TRPM2: variants seen among roughly 807,000 people sequenced by gnomAD.
The protein encoded by TRPM2 is estrogen-responsive element-associated gene 1 protein.
In TRPM2, 161 loss-of-function variants were observed where a neutral mutation model predicts 174.0. The observed-to-expected ratio is 0.93, with a 90% confidence interval of 0.81 to 1.05. TRPM2 has a LOEUF of 1.05. TRPM2 is among the 50% of genes least tolerant of loss of function. TRPM2 has a pLI of 0.00. For missense variants in TRPM2, 2,057 were observed against 2,038.0 expected, an observed-to-expected ratio of 1.01 and a Z score of -0.18; for synonymous variants, 954 against 861.3, an observed-to-expected ratio of 1.11 and a Z score of -1.88.
chr21:44,350,562 T>C (rs1427401986), upstream of TRPM2, among the ~76,000 whole-genome samples: 1 of 81,870 alleles, frequency 1.2e-5, no homozygotes, highest in African/African-American at 5.0e-5. Flanking sequence ...GGGGCGCTGG[T>C]GCAGGGCACG....
chr21:44,369,109 C>G, intron 4 of TRPM2, 68 bp from the exon 5 acceptor site: 3 of 1,395,308 alleles, frequency 2.2e-6, no homozygotes, highest in Non-Finnish European at 2.8e-6. Flanking sequence ...AGGGCTCAGG[C>G]GTCAGGCTCC....
chr21:44,413,747 T>A, intron 19 of TRPM2, 144 bp from the exon 20 acceptor site: 4 of 944,404 alleles, frequency 4.2e-6, no homozygotes, highest in Non-Finnish European at 6.4e-6. Flanking sequence ...GGCCCAGAGG[T>A]GACAGCTGAG....
chr21:44,417,152 G>A (rs1373471282), intron 20 of TRPM2, among the ~76,000 whole-genome samples: 13 of 130,626 alleles, frequency 1.0e-4, no homozygotes, highest in South Asian at 2.7e-4. Context: ...CAGTGGGCAC[G>A]TGGGCGTGGC....
chr21:44,425,685 C>G lies in TRPM2; in HGVS notation c.3653C>G (p.Ala1218Gly). 1 of 1,535,754 alleles carries G rather than the reference C, an allele frequency of 6.5e-7. No homozygotes were observed. The highest frequency in any genetic ancestry group is 1.2e-5 in the South Asian group (1 of 84,000). ...CTGTCCCCAGCCTCCCAGAAGGCCG[C>G]GGAGGAGCCGGATGCTGAGCCGGGA... is the stretch of plus-strand genomic sequence containing the variant. ...DVPTLASQKA[A>G]EEPDAEPGGR... The change falls in exon 25 of 32, where the codon GCG becomes GGG. Residue 1218 changes from alanine (A) to glycine (G), a missense_variant. Ala to Gly is a moderately conservative substitution (Grantham distance 60). Transcript: ENST00000397928.
intron 31 of TRPM2, 75 bp from the exon 32 acceptor site, chr21:44,441,617 G>A: frequency 6.7e-7 from 1 of 1,502,160 alleles, no homozygotes; most frequent in Non-Finnish European, 8.9e-7. Flanking sequence ...AGCCCTCGAA[G>A]GCTGCAGTCC....
At chr21:44,435,895 T>A (rs1437755204) in intron 28 of TRPM2, among the ~76,000 whole-genome samples, 1,139 of 56,310 alleles carry the variant, frequency 0.02, 23 homozygotes, top group African/African-American at 0.06. Context: ...CCCCACACTC[T>A]CTCCTCAGAC....
intron 8 of TRPM2, among the ~76,000 whole-genome samples, chr21:44,381,001 A>G (rs981414791): frequency 8.5e-5 from 13 of 152,106 alleles, no homozygotes; most frequent in African/African-American, 2.9e-4. Flanking sequence ...GGGGGTGCTG[A>G]AAGCCAGGAG....
intron 2 of TRPM2, among the ~76,000 whole-genome samples, chr21:44,355,296 T>C (rs1249026414): frequency 2.0e-5 from 3 of 152,134 alleles, no homozygotes; most frequent in African/African-American, 7.2e-5. Context: ...TGGCTGGATA[T>C]GGCCCTCCGG....
intron 5 of TRPM2, among the ~76,000 whole-genome samples, chr21:44,370,375 C>G (rs904915565): frequency 6.6e-6 from 1 of 152,194 alleles, no homozygotes; most frequent in African/African-American, 2.4e-5. Flanking sequence ...GAGGACGGAG[C>G]ACTCCTGCCT....
In TRPM2 at chr21:44,364,164, C is replaced by G; in HGVS notation, c.305C>G (p.Ala102Gly). ...ACGCATGAGCAGCACTTGGAGGAGG[C>G]TACCAAGCCCCACACCTTCCAGGGC... is the stretch of plus-strand genomic sequence containing the variant. ...GYTHEQHLEE[A>G]TKPHTFQGTQ... The change falls in exon 3 of 32, where the codon GCT becomes GGT. Residue 102 changes from alanine (A) to glycine (G), a missense_variant. Physicochemically the swap from Ala to Gly is moderately conservative, Grantham distance 60. Transcript: ENST00000397928. The G allele has an allele frequency of 6.2e-7, 1 of 1,614,190 alleles. No homozygotes were observed. The highest frequency in any genetic ancestry group is 8.5e-7 in the Non-Finnish European group (1 of 1,180,040).
intron 6 of TRPM2, among the ~76,000 whole-genome samples, chr21:44,377,277 C>T (rs756213340): frequency 8.5e-5 from 13 of 152,172 alleles, no homozygotes; most frequent in South Asian, 6.2e-4. Context: ...ACAGGATGGA[C>T]GTGCCGCATG....
chr21:44,356,314 G>A (rs754251045), intron 2 of TRPM2, among the ~76,000 whole-genome samples: 2 of 151,386 alleles, frequency 1.3e-5, no homozygotes, highest in African/African-American at 2.4e-5. Context: ...TGGAAGGAGC[G>A]GGGTCTGTAG....
chr21:44,397,968 C>A (rs370659437), intron 13 of TRPM2, 92 bp downstream of exon 13: 1 of 1,397,056 alleles, frequency 7.2e-7, no homozygotes, highest in African/African-American at 1.4e-5. Context: ...CCCCATGTGC[C>A]CTCACCCTGG....
intron 4 of TRPM2, 188 bp from the exon 5 acceptor site, chr21:44,368,989 C>A: frequency 1.8e-6 from 1 of 558,340 alleles, no homozygotes; most frequent in Non-Finnish European, 3.0e-6. Context: ...CTCCTGTTCC[C>A]ACCCCACCTG....
rs191314154 is a variant in TRPM2, at chr21:44,438,259, G to A, written c.4168-808G>A. Among the ~76,000 whole-genome samples, 12 of 152,340 alleles carry A rather than the reference G, an allele frequency of 7.9e-5. No individual in the cohort carries two copies. Among genetic ancestry groups the A allele is most frequent in the Middle Eastern group, 3.4e-3 (1 of 294 alleles). On this transcript the variant is annotated intron_variant, in intron 29 of 31. Coordinates refer to ENST00000397928, the MANE Select transcript of TRPM2 (RefSeq NM_003307.4). The surrounding 1 kb of genome is among the most constrained non-coding windows in gnomAD (Gnocchi z 5.9). ...GTAGCTTCTCTGCCTGTGCACACCT[G>A]GCCCTGGAACACGAGTCACCCTCCG...
At chr21:44,392,873 G>A (rs2049227137) in intron 11 of TRPM2, among the ~76,000 whole-genome samples, 1 of 152,126 alleles carries the variant, frequency 6.6e-6, no homozygotes, top group African/African-American at 2.4e-5. Context: ...CCGTATTTTT[G>A]TGAGATGCCC....
At chr21:44,374,142 C>G (rs1212990113) in intron 5 of TRPM2, among the ~76,000 whole-genome samples, 1 of 152,064 alleles carries the variant, frequency 6.6e-6, no homozygotes, top group Non-Finnish European at 1.5e-5. Flanking sequence ...TCCCGAGTAG[C>G]TGGGATTACA....
intron 17 of TRPM2, 116 bp from the exon 18 acceptor site, chr21:44,405,789 G>T: frequency 7.7e-7 from 1 of 1,291,232 alleles, no homozygotes; most frequent in South Asian, 1.4e-5. Flanking sequence ...GCCCACCAGA[G>T]CCCTTTGCCT....
Position 44,391,162 on chromosome 21 carries a change from T to C in TRPM2, c.1441-110T>C. On this transcript the variant is annotated intron_variant, in intron 10 of 31. Coordinates refer to ENST00000397928, the MANE Select transcript of TRPM2 (RefSeq NM_003307.4). This position sits in a 1 kb window ranked among gnomAD's most constrained non-coding sequence, Gnocchi z 5.0. ...GGGTGGGTGACCTGGGCAGCTTTCA[T>C]CCTCCCCAGGTTGGGGACAACAGCA... is the stretch of plus-strand genomic sequence containing the variant. The C allele has an allele frequency of 6.5e-7, 1 of 1,541,008 alleles. No homozygotes were observed. Among genetic ancestry groups the C allele is most frequent in the Non-Finnish European group, 8.8e-7 (1 of 1,133,220 alleles).
Sources: allele counts gnomAD v4.1 joint callset (sites outside exome capture counted in the v4.1 genomes callset), GRCh38; gene constraint gnomAD v4.1.1; non-coding constraint Gnocchi (gnomAD v3.1); transcripts MANE v1.5; gene names NCBI Gene and HGNC (gene_info 2026-07-23, HGNC 2026-07-21).